The following GLP1R variants were observed in gnomAD, a reference collection of about 807,000 sequenced individuals.
GLP1R encodes glucagon like peptide 1 receptor, also known as glucagon-like peptide 1 receptor.
Under a neutral mutation model 68.4 loss-of-function variants are expected in GLP1R, and 32 were observed. The ratio of observed to expected loss-of-function variants is 0.47; its 90% CI spans 0.35 to 0.63. GLP1R has a LOEUF of 0.63. GLP1R is among the 20% of genes least tolerant of loss of function. The pLI is 0.00. For missense variants in GLP1R, 502 were observed against 594.9 expected (o/e 0.84, Z 1.62); for synonymous variants, 263 against 244.4 (o/e 1.08, Z -0.71).
At chr6:39,076,113 G>A (rs1029936625) in intron 7 of GLP1R, among the ~76,000 whole-genome samples, 2 of 152,200 alleles carry the variant, frequency 1.3e-5, no homozygotes, top group African/African-American at 2.4e-5. Context: ...GATAACATGG[G>A]TGAGTGCCCT....
intron 7 of GLP1R, among the ~76,000 whole-genome samples, chr6:39,076,424 A>C (rs1287602135): frequency 6.6e-6 from 1 of 152,142 alleles, no homozygotes; most frequent in Non-Finnish European, 1.5e-5. Flanking sequence ...TGTAGAAATC[A>C]ATGGGCCAGG....
At chr6:39,076,485 C>T (rs1477597916) in intron 7 of GLP1R, among the ~76,000 whole-genome samples, 1 of 152,146 alleles carries the variant, frequency 6.6e-6, no homozygotes, top group African/African-American at 2.4e-5. Context: ...CCTTTGCCTC[C>T]TCCATCTCTC....
chr6:39,081,143 A>C lies in GLP1R; in HGVS notation c.1224+404A>C, dbSNP rs189029735. Among the ~76,000 whole-genome samples the C allele has an allele frequency of 5.4e-4, 82 of 152,178 alleles. No homozygotes were observed. The East Asian group carries it at 0.015, about 27-fold the overall frequency. On this transcript the variant is annotated intron_variant, in intron 12 of 12. Coordinates refer to ENST00000373256, the MANE Select transcript of GLP1R (RefSeq NM_002062.5). ...AATTATGACCCCCACATCCCTCAAA[A>C]AAAAACCCTGCTAAAATTCTTATTT... is the stretch of plus-strand genomic sequence containing the variant.
chr6:39,069,024 C>T (rs935251263), intron 5 of GLP1R, among the ~76,000 whole-genome samples: 3 of 152,280 alleles, frequency 2.0e-5, no homozygotes, highest in African/African-American at 7.2e-5. Flanking sequence ...TTATAAATTT[C>T]ATCTTTCATT....
chr6:39,051,752 G>A (rs1583611501), intron 1 of GLP1R, among the ~76,000 whole-genome samples: 1 of 152,132 alleles, frequency 6.6e-6, no homozygotes, highest in African/African-American at 2.4e-5. Flanking sequence ...GTATGTGTGA[G>A]TGACCCTGTG....
rs1241109270 is a variant in GLP1R at position 39,061,943 on chromosome 6, C to T, written c.284-3768C>T. 2.6e-5 allele frequency among the ~76,000 whole-genome samples: 4 copies of T among 152,188 alleles called. No homozygotes were observed. The South Asian group carries it at 6.2e-4, about 24-fold the overall frequency. On this transcript the variant is annotated intron_variant, in intron 3 of 12. Transcript: ENST00000373256. ...CATTTCGAGCCTGGCCTTTGACCCT[C>T]ACCTCACTCCCTTGGGGAGGCCCTG... is the stretch of plus-strand genomic sequence containing the variant.
At chr6:39,058,645 C>CATA (rs2150822948) in intron 3 of GLP1R, among the ~76,000 whole-genome samples, 1 of 117,290 alleles carries the variant, frequency 8.5e-6, no homozygotes, top group African/African-American at 3.6e-5. Flanking sequence ...ATTTCCCTAT[C>CATA]ATCATCATCA....
Position 39,066,258 on chromosome 6 carries a change from CCTT to C in GLP1R, c.467_469del (p.Phe156del), listed in dbSNP as rs1768510574. On this transcript the variant is annotated inframe_deletion, in exon 5 of 13. Coordinates refer to ENST00000373256, the MANE Select transcript of GLP1R (RefSeq NM_002062.5). ...ATCTACACGGTGGGCTACGCACTCT[CCTT>C]CTCTGCTCTGGTTATCGCCTCTGCG... The C allele has an allele frequency of 2.5e-6, 4 of 1,613,316 alleles. No individual in the cohort carries two copies. The highest frequency in any genetic ancestry group is 3.4e-6 in the Non-Finnish European group (4 of 1,179,358).
intron 5 of GLP1R, among the ~76,000 whole-genome samples, chr6:39,067,593 T>C (rs563461641): frequency 1.3e-5 from 2 of 152,216 alleles, no homozygotes; most frequent in African/African-American, 4.8e-5. Context: ...CTTTTCATAC[T>C]ATTGCCTTGG....
At chr6:39,074,054 A>G (rs1233090469) in intron 7 of GLP1R, among the ~76,000 whole-genome samples, 2 of 152,134 alleles carry the variant, frequency 1.3e-5, no homozygotes, top group African/African-American at 4.8e-5. Flanking sequence ...AGGTCATGGC[A>G]CTGTTCTCTT....
In GLP1R at chr6:39,086,088, C is replaced by T. The variant is rs1225162327; in HGVS notation, c.*15C>T. ...CCTGCAGCTGAGACTCCAGCGCCTGCCCTCCCTGGGGTCCTTGCTGCAGGC... is the reference window on the plus strand; with the variant it reads ...CCTGCAGCTGAGACTCCAGCGCCTGTCCTCCCTGGGGTCCTTGCTGCAGGC... On this transcript the variant is annotated 3_prime_UTR_variant, in exon 13 of 13. Transcript: ENST00000373256. The surrounding 1 kb of genome is among the most constrained non-coding windows in gnomAD (Gnocchi z 4.5). The T allele has an allele frequency of 6.2e-7, 1 of 1,611,788 alleles. No homozygotes were observed. Among genetic ancestry groups the T allele is most frequent in the Admixed American group, 1.7e-5 (1 of 59,932 alleles).
chr6:39,079,592 C>G lies in GLP1R; in HGVS notation c.1072C>G (p.Pro358Ala), dbSNP rs1317393764. 1 of 1,604,298 alleles carries G rather than the reference C, an allele frequency of 6.2e-7. No homozygotes were observed. The change falls in exon 11 of 13, where the codon CCC (proline) becomes GCC (alanine). Residue 358 changes from proline to alanine, a missense_variant. By Grantham distance (27) the Pro-to-Ala change is conservative. Coordinates refer to ENST00000373256, the MANE Select transcript of GLP1R (RefSeq NM_002062.5). This position sits in a 1 kb window ranked among gnomAD's most constrained non-coding sequence, Gnocchi z 4.5. ...TGCCAAGTCCACGCTGACACTCATC[C>G]CCCTGCTGGGGACTCATGAGGTCAT... ...RLAKSTLTLIPLLGTHEVIFA... is the reference protein window; with the variant it reads ...RLAKSTLTLIALLGTHEVIFA...
At chr6:39,081,759 A>T (rs1453512215) in intron 12 of GLP1R, among the ~76,000 whole-genome samples, 1 of 152,234 alleles carries the variant, frequency 6.6e-6, no homozygotes, top group East Asian at 1.9e-4. Context: ...AGGCTTTGGC[A>T]TCTTATTTGG....
chr6:39,051,539 G>T (rs1768088122), intron 1 of GLP1R, among the ~76,000 whole-genome samples: 1 of 152,152 alleles, frequency 6.6e-6, no homozygotes, highest in African/African-American at 2.4e-5. Flanking sequence ...GCTGGGGCAG[G>T]AGCAACCAAG....
intron 5 of GLP1R, among the ~76,000 whole-genome samples, chr6:39,070,332 TC>T (rs1215539851): frequency 2.0e-5 from 3 of 152,250 alleles, no homozygotes; most frequent in Non-Finnish European, 4.4e-5. Flanking sequence ...TAACCACCAT[TC>T]CATATTCCGT....
intron 3 of GLP1R, among the ~76,000 whole-genome samples, chr6:39,064,145 A>C (rs1432347737): frequency 6.6e-6 from 1 of 151,990 alleles, no homozygotes; most frequent in Non-Finnish European, 1.5e-5. Context: ...CTGGGACTAC[A>C]GGCGCACGCC....
chr6:39,078,303 G>T lies in GLP1R; in HGVS notation c.824-19G>T. On this transcript the variant is annotated intron_variant, in intron 7 of 12. Coordinates refer to ENST00000373256, the MANE Select transcript of GLP1R (RefSeq NM_002062.5). ...GGCCTGCCAGCCCCTCTCCCCTTCT[G>T]TCTTTCCCTCTCTCTTAGGTGTTCC... is the stretch of plus-strand genomic sequence containing the variant. The T allele has an allele frequency of 6.2e-7, 1 of 1,600,568 alleles. No homozygotes were observed. Among genetic ancestry groups the T allele is most frequent in the Non-Finnish European group, 8.6e-7 (1 of 1,167,752 alleles).
At chr6:39,082,929 T>C (rs1410365215) in intron 12 of GLP1R, among the ~76,000 whole-genome samples, 2 of 152,012 alleles carry the variant, frequency 1.3e-5, no homozygotes, top group East Asian at 1.9e-4. Flanking sequence ...TGTGCTTGGC[T>C]TCCCCCCCGC....
chr6:39,067,189 C>T (rs959010891), intron 5 of GLP1R, among the ~76,000 whole-genome samples: 12 of 152,102 alleles, frequency 7.9e-5, no homozygotes, highest in East Asian at 1.9e-4. Context: ...CTTTTAATTC[C>T]GACACATTTC....
Sources: gnomAD v4.1 joint callset for allele counts (sites outside exome capture counted in the v4.1 genomes callset) on GRCh38, gnomAD v4.1.1 for gene constraint, Gnocchi (gnomAD v3.1) non-coding constraint, MANE v1.5 for transcripts, NCBI Gene and HGNC (gene_info 2026-07-23, HGNC 2026-07-21) for gene names.